The following MYPN variants were observed in gnomAD, a reference collection of about 807,000 sequenced individuals.
The protein encoded by MYPN is myopalladin, also known as sarcomeric protein myopalladin, 145 kDa (MYOP).
Under a neutral mutation model 129.4 loss-of-function variants are expected in MYPN, and 63 were observed. The observed-to-expected ratio is 0.49, with a 90% confidence interval of 0.40 to 0.60. MYPN has a LOEUF of 0.60. MYPN is among the 20% of genes least tolerant of loss of function. The pLI, the probability that MYPN is intolerant of heterozygous loss-of-function variation, is 0.00. For synonymous variants in MYPN, 629 were observed against 600.9 expected, an observed-to-expected ratio of 1.05 and a Z score of -0.68; for missense variants, 1,596 against 1,635.4, an observed-to-expected ratio of 0.98 and a Z score of 0.42.
intron 4 of MYPN, 54 bp downstream of exon 4, chr10:68,145,580 T>G: frequency 1.4e-6 from 2 of 1,436,664 alleles, no homozygotes; most frequent in South Asian, 2.3e-5. Context: ...AATTAATAGC[T>G]CAAAGAGAAT....
chr10:68,193,232 T>C (rs1026756975), intron 13 of MYPN, among the ~76,000 whole-genome samples: 2 of 152,012 alleles, frequency 1.3e-5, no homozygotes, highest in African/African-American at 4.8e-5. Context: ...TGAAAACCCA[T>C]ACCAGAAAAT....
At chr10:68,145,661 AC>A in intron 4 of MYPN, 135 bp downstream of exon 4, 1 of 713,046 alleles carries the variant, frequency 1.4e-6, no homozygotes. Context: ...AAATAAACAA[AC>A]AAACAAACAA....
intron 7 of MYPN, among the ~76,000 whole-genome samples, chr10:68,160,073 A>G (rs1236946527): frequency 1.3e-5 from 2 of 152,082 alleles, no homozygotes; most frequent in African/African-American, 4.8e-5. Context: ...CTCAGGTTTT[A>G]TTGGTAGTAG....
exon 1 of MYPN, among the ~76,000 whole-genome samples, chr10:68,087,914 A>G (rs2041914574): frequency 6.6e-6 from 1 of 152,162 alleles, no homozygotes; most frequent in African/African-American, 2.4e-5. Flanking sequence ...CCTGCCCTCA[A>G]CAAGTGAGGT....
At chr10:68,088,305 T>C (rs1414635911) in intron 1 of MYPN, among the ~76,000 whole-genome samples, 6 of 152,102 alleles carry the variant, frequency 3.9e-5, no homozygotes. Flanking sequence ...TGAAAGGGCA[T>C]TGCCAAGCAA....
intron 16 of MYPN, among the ~76,000 whole-genome samples, chr10:68,199,054 T>C (rs1444663882): frequency 6.6e-6 from 1 of 152,126 alleles, no homozygotes; most frequent in Non-Finnish European, 1.5e-5. Flanking sequence ...AAGCAGTATA[T>C]CATCTCTGAA....
chr10:68,106,681 A>C (rs1283080699), upstream of MYPN: 1 of 715,208 alleles, frequency 1.4e-6, no homozygotes, highest in Non-Finnish European at 2.6e-6. Flanking sequence ...AAAAATAGCA[A>C]ATGCAAACAT....
intron 3 of MYPN, among the ~76,000 whole-genome samples, chr10:68,144,493 TTGTATG>T (rs939321422): frequency 1.6e-4 from 25 of 152,312 alleles, no homozygotes; most frequent in African/African-American, 5.8e-4. Context: ...TAGAAATGTG[TTGTATG>T]TGTATGTGTT....
chr10:68,203,415 C>A (rs1159878268), intron 18 of MYPN, among the ~76,000 whole-genome samples: 2 of 148,130 alleles, frequency 1.4e-5, no homozygotes, highest in Admixed American at 1.4e-4. Flanking sequence ...ATAGCAAGAC[C>A]CCATCTCTAA....
intron 10 of MYPN, among the ~76,000 whole-genome samples, chr10:68,171,092 T>G (rs1382856952): frequency 1.4e-4 from 20 of 147,496 alleles, no homozygotes; most frequent in Non-Finnish European, 2.7e-4. Context: ...GAGGTTGCAG[T>G]GAGCTGAGAT....
At chr10:68,128,985 C>T (rs1156912845) in intron 2 of MYPN, among the ~76,000 whole-genome samples, 2 of 151,824 alleles carry the variant, frequency 1.3e-5, no homozygotes, top group Non-Finnish European at 2.9e-5. Context: ...ACGCCAGATT[C>T]TCTCTCCTCT....
At chr10:68,197,639 T>A (rs2043633381) in intron 16 of MYPN, among the ~76,000 whole-genome samples, 161 bp downstream of exon 16, 1 of 151,758 alleles carries the variant, frequency 6.6e-6, no homozygotes, top group South Asian at 2.1e-4. Context: ...TTGTTTGGAG[T>A]ATTTAATGTC....
At chr10:68,182,473 C>CATATATATATATAACATATAT (rs2043351197) in intron 12 of MYPN, among the ~76,000 whole-genome samples, 1 of 84,394 alleles carries the variant, frequency 1.2e-5, no homozygotes, top group African/African-American at 5.0e-5. Context: ...AACATATATA[C>CATATATATATATAACATATAT]ACACACACAC....
intron 6 of MYPN, among the ~76,000 whole-genome samples, chr10:68,150,346 AT>A (rs1404991033): frequency 1.3e-5 from 2 of 152,184 alleles, no homozygotes; most frequent in African/African-American, 4.8e-5. Flanking sequence ...CTCTGTGGCC[AT>A]TATACAACTG....
chr10:68,182,816 T>C (rs1180468127), intron 12 of MYPN, among the ~76,000 whole-genome samples: 2 of 152,100 alleles, frequency 1.3e-5, no homozygotes, highest in Non-Finnish European at 2.9e-5. Context: ...TCTCTAATAG[T>C]ATATTTTTAA....
At chr10:68,168,308 G>A (rs2043085149) in intron 10 of MYPN, among the ~76,000 whole-genome samples, 1 of 152,138 alleles carries the variant, frequency 6.6e-6, no homozygotes, top group Non-Finnish European at 1.5e-5. Context: ...TCAGAGAAGG[G>A]AGTTACAGGG....
chr10:68,100,490 C>T (rs765621682), intron 1 of MYPN, among the ~76,000 whole-genome samples: 1 of 151,948 alleles, frequency 6.6e-6, no homozygotes, highest in Admixed American at 6.6e-5. Flanking sequence ...TGCCCATCGG[C>T]GATGAGGATT....
chr10:68,129,224 GA>G (rs2134018393), intron 2 of MYPN, among the ~76,000 whole-genome samples: 1 of 152,258 alleles, frequency 6.6e-6, no homozygotes, highest in South Asian at 2.1e-4. Flanking sequence ...ATAATTTGTT[GA>G]AGATAAGCAA....
intron 11 of MYPN, 69 bp from the exon 12 acceptor site, chr10:68,175,254 T>A (rs1328836447): frequency 1.9e-6 from 3 of 1,570,530 alleles, no homozygotes; most frequent in Non-Finnish European, 2.6e-6. Context: ...TCAACCACTC[T>A]GATTTCTAGG....
Sources: gnomAD v4.1 joint callset for allele counts (sites outside exome capture counted in the v4.1 genomes callset) on GRCh38, gnomAD v4.1.1 for gene constraint, MANE v1.5 for transcripts, NCBI Gene and HGNC (gene_info 2026-07-23, HGNC 2026-07-21) for gene names.